Variants in LAMA2 observed in about 807,000 individuals in gnomAD.
LAMA2 encodes the protein laminin subunit alpha-2.
A neutral mutation model predicts 364.8 loss-of-function variants in LAMA2; 269 were observed. That is an observed-to-expected ratio of 0.74 (90% CI 0.67 to 0.82). The LOEUF (loss-of-function observed/expected upper bound fraction) is 0.82, where lower values mean the gene tolerates loss of function less well. Ranked by LOEUF, LAMA2 falls within the 40% of genes least tolerant of loss-of-function variation. LAMA2 has a pLI of 0.00. For synonymous variants in LAMA2, 1,379 were observed against 1,370.6 expected, an observed-to-expected ratio of 1.01 and a Z score of -0.14; for missense variants, 3,807 against 3,873.2, an observed-to-expected ratio of 0.98 and a Z score of 0.45.
At chr6:129,388,666 G>A (rs1313779627) in intron 35 of LAMA2, among the ~76,000 whole-genome samples, 1 of 151,560 alleles carries the variant, frequency 6.6e-6, no homozygotes, top group South Asian at 2.1e-4. Context: ...TATGAAAGCT[G>A]ATTTATACAC....
intron 20 of LAMA2, 147 bp from the exon 21 acceptor site, chr6:129,297,538 A>G (rs1486202366): frequency 1.4e-5 from 10 of 731,376 alleles, no homozygotes; most frequent in African/African-American, 7.0e-5. Flanking sequence ...ATTTGATTGA[A>G]TGAAAACCCA....
chr6:129,038,151 A>G (rs1285564984), intron 1 of LAMA2, among the ~76,000 whole-genome samples: 1 of 152,196 alleles, frequency 6.6e-6, no homozygotes, highest in Admixed American at 6.5e-5. Flanking sequence ...TTCTGAAGTG[A>G]CACGGTGTTC....
chr6:128,928,931 A>T, intron 1 of LAMA2: 1 of 810,940 alleles, frequency 1.2e-6, no homozygotes. Context: ...AGTGGAATAC[A>T]CAACAGATAA....
In LAMA2 at chr6:128,961,831, T is replaced by C. The variant is rs1781540386; in HGVS notation, c.112+78474T>C. On this transcript the variant is annotated intron_variant, in intron 1 of 64. Coordinates refer to ENST00000421865, the MANE Select transcript of LAMA2 (RefSeq NM_000426.4). ...ACAAGAATAAATTCCCAGTGGTCTCTTGCCAGGTCAGCAATGGGATAGTAA... is the reference window on the plus strand; with the variant it reads ...ACAAGAATAAATTCCCAGTGGTCTCCTGCCAGGTCAGCAATGGGATAGTAA... Among the ~76,000 whole-genome samples, 3 of 152,044 alleles carry C rather than the reference T, an allele frequency of 2.0e-5. No individual in the cohort carries two copies. In the South Asian group the frequency reaches 6.2e-4, roughly 32 times the overall value.
intron 1 of LAMA2, among the ~76,000 whole-genome samples, chr6:128,915,258 A>G (rs796258778): frequency 2.1e-4 from 32 of 152,232 alleles, no homozygotes; most frequent in African/African-American, 7.2e-4. Context: ...TAAACAAGGC[A>G]GAAAGGTTAA....
At chr6:128,923,351 T>G (rs1328062687) in intron 1 of LAMA2, among the ~76,000 whole-genome samples, 3 of 151,362 alleles carry the variant, frequency 2.0e-5, no homozygotes, top group South Asian at 2.1e-4. Flanking sequence ...GCATGGAATG[T>G]TCTTCCATTT....
At chr6:129,064,570 G>A (rs994254654) in intron 3 of LAMA2, among the ~76,000 whole-genome samples, 2 of 151,874 alleles carry the variant, frequency 1.3e-5, no homozygotes, top group Non-Finnish European at 2.9e-5. Context: ...TAAGAAAAAA[G>A]ATCAGAATTG....
intron 1 of LAMA2, chr6:128,928,851 T>A (rs1284298960): frequency 3.2e-6 from 2 of 630,200 alleles, no homozygotes; most frequent in African/African-American, 3.6e-5. Flanking sequence ...TGTTCACCAA[T>A]TTGAGTAAAG....
intron 1 of LAMA2, among the ~76,000 whole-genome samples, chr6:128,997,508 G>T (rs1166323713): frequency 2.6e-5 from 4 of 152,074 alleles, no homozygotes; most frequent in Non-Finnish European, 5.9e-5. Flanking sequence ...TTATGCCTGT[G>T]ATGTGGCCAG....
intron 49 of LAMA2, among the ~76,000 whole-genome samples, chr6:129,461,816 AC>A (rs1562586043): frequency 2.1e-5 from 2 of 95,570 alleles, no homozygotes; most frequent in East Asian, 6.2e-4. Context: ...CACGTTTACA[AC>A]TTCTCCTGAT....
intron 1 of LAMA2, among the ~76,000 whole-genome samples, chr6:128,948,989 A>T (rs896280568): frequency 1.3e-5 from 2 of 152,146 alleles, no homozygotes; most frequent in African/African-American, 4.8e-5. Flanking sequence ...ATGGCTTAAC[A>T]CTGTGATATT....
chr6:129,073,327 G>C (rs529619447), intron 3 of LAMA2, among the ~76,000 whole-genome samples: 1 of 152,030 alleles, frequency 6.6e-6, no homozygotes, highest in Admixed American at 6.6e-5. Context: ...GTGTTCAGGG[G>C]TTTACCACAA....
chr6:129,063,254 C>T (rs1789056573), intron 3 of LAMA2, among the ~76,000 whole-genome samples: 1 of 152,076 alleles, frequency 6.6e-6, no homozygotes, highest in Admixed American at 6.6e-5. Flanking sequence ...AAAAGCTTAA[C>T]TGTTCCAGTG....
intron 27 of LAMA2, among the ~76,000 whole-genome samples, chr6:129,318,237 G>A (rs1320804756): frequency 6.6e-6 from 1 of 152,146 alleles, no homozygotes; most frequent in African/African-American, 2.4e-5. Flanking sequence ...TCTGTTTGAG[G>A]TTTGAACTTT....
chr6:128,925,669 T>C (rs928172997), intron 1 of LAMA2, among the ~76,000 whole-genome samples: 12 of 152,228 alleles, frequency 7.9e-5, no homozygotes, highest in African/African-American at 2.7e-4. Context: ...TTATGTTATG[T>C]GTATTTTACA....
chr6:129,409,279 CTTCTCTGCCTCTGTCAACTGAT>C (rs1780403210), intron 40 of LAMA2, among the ~76,000 whole-genome samples: 1 of 152,176 alleles, frequency 6.6e-6, no homozygotes, highest in Non-Finnish European at 1.5e-5. Flanking sequence ...AGGCCCTAGT[CTTCTCTGCCTCTGTCAACTGAT>C]CATGGGGAAC....
At chr6:129,453,165 TG>T in intron 46 of LAMA2, 34 bp downstream of exon 46, 1 of 1,583,802 alleles carries the variant, frequency 6.3e-7, no homozygotes, top group East Asian at 2.2e-5. Flanking sequence ...ATTAGGCTGC[TG>T]TATGTGTATA....
intron 3 of LAMA2, among the ~76,000 whole-genome samples, chr6:129,093,248 C>A (rs1395966063): frequency 1.3e-5 from 2 of 151,776 alleles, no homozygotes; most frequent in Non-Finnish European, 2.9e-5. Context: ...CCCAGCCTCC[C>A]AAAGTGCTGG....
At chr6:128,955,805 T>C (rs1416802465) in intron 1 of LAMA2, among the ~76,000 whole-genome samples, 3 of 152,028 alleles carry the variant, frequency 2.0e-5, no homozygotes, top group African/African-American at 4.8e-5. Flanking sequence ...TAGCATTGCA[T>C]TGAGCTATTA....
Sources: allele counts gnomAD v4.1 joint callset (sites outside exome capture counted in the v4.1 genomes callset), GRCh38; gene constraint gnomAD v4.1.1; transcripts MANE v1.5; gene names NCBI Gene and HGNC (gene_info 2026-07-23, HGNC 2026-07-21).